Variants in MYO1E observed in about 807,000 individuals in gnomAD.
The protein encoded by MYO1E is unconventional myosin-Ie.
A neutral mutation model predicts 151.1 loss-of-function variants in MYO1E; 68 were observed. The ratio of observed to expected loss-of-function variants is 0.45; its 90% CI spans 0.37 to 0.55. The LOEUF (loss-of-function observed/expected upper bound fraction) is 0.55, where lower values mean the gene tolerates loss of function less well. Among genes scored for constraint, MYO1E ranks in the 20% least tolerant of loss-of-function variants. The pLI, the probability that MYO1E is intolerant of heterozygous loss-of-function variation, is 0.00. For synonymous variants in MYO1E, 601 were observed against 501.7 expected, an observed-to-expected ratio of 1.20 and a Z score of -2.64; for missense variants, 1,363 against 1,389.3, an observed-to-expected ratio of 0.98 and a Z score of 0.30.
intron 14 of MYO1E, 41 bp from the exon 15 acceptor site, chr15:59,205,526 A>T (rs1213969997): frequency 2.6e-6 from 4 of 1,541,874 alleles, no homozygotes; most frequent in African/African-American, 2.7e-5. Context: ...ATTGAACAAA[A>T]TGTAATTAAT....
At chr15:59,143,840 G>A (rs1235571953) in intron 26 of MYO1E, among the ~76,000 whole-genome samples, 1 of 152,188 alleles carries the variant, frequency 6.6e-6, no homozygotes, top group East Asian at 1.9e-4. Context: ...CACTTCCCAG[G>A]CAGCACTGCT....
chr15:59,366,721 A>G (rs1021685009), intron 1 of MYO1E, among the ~76,000 whole-genome samples: 1 of 152,132 alleles, frequency 6.6e-6, no homozygotes, highest in Non-Finnish European at 1.5e-5. Context: ...GATATATGAA[A>G]AAAATACTTT....
rs12595245 is a variant in MYO1E at position 59,351,495 on chromosome 15, A to G, written c.3+21003T>C. ...CAGTAATTGGTTTAATTTAGACCGT[A>G]ATGCATTTTGGTCTTTAGACTGTTC... On this transcript the variant is annotated intron_variant, in intron 1 of 27. Coordinates refer to ENST00000288235, the MANE Select transcript of MYO1E (RefSeq NM_004998.4). Among the ~76,000 whole-genome samples, 6 of 152,220 alleles carry G rather than the reference A, an allele frequency of 3.9e-5. No homozygotes were observed. The East Asian group carries it at 9.6e-4, about 24-fold the overall frequency.
At chr15:59,264,139 CA>C (rs1371787294) in intron 2 of MYO1E, among the ~76,000 whole-genome samples, 26 of 152,084 alleles carry the variant, frequency 1.7e-4, no homozygotes, top group African/African-American at 6.3e-4. Context: ...ATCCCTAACC[CA>C]AAAATCCAAA....
At chr15:59,232,863 G>A (rs200905993) in intron 5 of MYO1E, among the ~76,000 whole-genome samples, 2 of 152,096 alleles carry the variant, frequency 1.3e-5, no homozygotes, top group African/African-American at 4.8e-5. Flanking sequence ...GGTGTAACAG[G>A]CACCCTCCTG....
At chr15:59,225,785 T>C (rs955377591) in intron 7 of MYO1E, among the ~76,000 whole-genome samples, 2 of 152,056 alleles carry the variant, frequency 1.3e-5, no homozygotes, top group African/African-American at 2.4e-5. Flanking sequence ...TAGCTGGGAC[T>C]ACAGGCGCCC....
At chr15:59,286,036 T>C (rs1267382447) in intron 1 of MYO1E, among the ~76,000 whole-genome samples, 2 of 152,126 alleles carry the variant, frequency 1.3e-5, no homozygotes, top group Non-Finnish European at 1.5e-5. Context: ...GCTGTGCATA[T>C]AAATAAAGAC....
chr15:59,188,160 G>A lies in MYO1E; in HGVS notation c.1862C>T (p.Ala621Val). 6.2e-7 allele frequency: 1 copy of A among 1,614,158 alleles called. No homozygotes were observed. Among genetic ancestry groups the A allele is most frequent in the Non-Finnish European group, 8.5e-7 (1 of 1,180,036 alleles). The part of the protein sequence containing the change: ...GLKENIRVRR[A>V]GYAYRRIFQK... ...GAAGATGCGCCGATAGGCATAGCCA[G>A]CTCTTCTCACTCGAATGTTCTCTTT... The change falls in exon 18 of 28, where the codon GCT (alanine) becomes GTT (valine). Residue 621 changes from alanine (A) to valine (V), a missense_variant. Coordinates refer to ENST00000288235, the MANE Select transcript of MYO1E (RefSeq NM_004998.4).
At chr15:59,328,776 G>A (rs1411802138) in intron 1 of MYO1E, among the ~76,000 whole-genome samples, 1 of 151,978 alleles carries the variant, frequency 6.6e-6, no homozygotes, top group African/African-American at 2.4e-5. Flanking sequence ...AAGCATTTAG[G>A]GCATGTGAAA....
chr15:59,236,261 T>C (rs57487429), intron 5 of MYO1E, among the ~76,000 whole-genome samples: 45,258 of 150,452 alleles, frequency 0.3, 8,242 homozygotes, highest in African/African-American at 0.52. Flanking sequence ...GAGAATCTCT[T>C]GAACCCGGGA....
intron 21 of MYO1E, among the ~76,000 whole-genome samples, chr15:59,172,783 C>G (rs147560694): frequency 6.6e-6 from 1 of 152,322 alleles, no homozygotes; most frequent in Non-Finnish European, 1.5e-5. Flanking sequence ...TGATAATTCT[C>G]AATAATCTAA....
chr15:59,195,357 CAT>C, intron 17 of MYO1E, 102 bp downstream of exon 17: 2 of 994,510 alleles, frequency 2.0e-6, no homozygotes, highest in Non-Finnish European at 3.2e-6. Flanking sequence ...ATGACAAAGA[CAT>C]GTGCGGACAA....
In MYO1E at chr15:59,136,896, C is replaced by A. The variant is rs1475390390; in HGVS notation, c.*484G>T. ...TGGGAAGTGCCTGCTCACGCTAAGC[C>A]CAGTCTGCAGAGGGCGGGTCCTCCC... On this transcript the variant is annotated 3_prime_UTR_variant, in exon 28 of 28. Transcript: ENST00000288235. The A allele has an allele frequency of 1.0e-5, 4 of 396,766 alleles. No homozygotes were observed. Among genetic ancestry groups the A allele is most frequent in the African/African-American group, 8.3e-5 (4 of 48,152 alleles). The allele number at this position is 396,766 out of a possible 1,614,324, so 24.6% of individuals were successfully genotyped here.
rs2080293798 is a variant in MYO1E at position 59,272,404 on chromosome 15, T to C, written c.49A>G (p.Lys17Glu). Reference sequence around the variant, plus strand: ...ACCATGTCGTCCACACCACTGTGCTTGACATTGTGGCTTTGCCAGTGGTAC... The same window carrying C: ...ACCATGTCGTCCACACCACTGTGCTCGACATTGTGGCTTTGCCAGTGGTAC... The part of the protein sequence containing the change: ...YQYHWQSHNV[K>E]HSGVDDMVLL... Residue 17 changes from lysine to glutamate, a missense_variant, in exon 2 of 28, where the codon AAG (lysine) becomes GAG (glutamate). Physicochemically the swap from Lys to Glu is moderately conservative, Grantham distance 56. Transcript: ENST00000288235. 1 of 1,614,048 alleles carries C rather than the reference T, an allele frequency of 6.2e-7. No homozygotes were observed.
chr15:59,371,470 A>C (rs1415659378), intron 1 of MYO1E, among the ~76,000 whole-genome samples: 1 of 151,136 alleles, frequency 6.6e-6, no homozygotes, highest in Non-Finnish European at 1.5e-5. Flanking sequence ...GATCTCTTCA[A>C]AATAGAGTCC....
At chr15:59,300,556 C>A (rs527292043) in intron 1 of MYO1E, among the ~76,000 whole-genome samples, 2 of 152,272 alleles carry the variant, frequency 1.3e-5, no homozygotes, top group African/African-American at 2.4e-5. Flanking sequence ...GTGAGTCTAC[C>A]CATGATGCGG....
chr15:59,145,357 A>G (rs1178667168), intron 26 of MYO1E, among the ~76,000 whole-genome samples: 1 of 152,236 alleles, frequency 6.6e-6, no homozygotes, highest in Non-Finnish European at 1.5e-5. Flanking sequence ...TTTGTGAGCC[A>G]GTTGTCAAAC....
intron 1 of MYO1E, among the ~76,000 whole-genome samples, chr15:59,304,323 G>A (rs142617090): frequency 0.01 from 1,529 of 152,258 alleles, 18 homozygotes; most frequent in Admixed American, 0.019. Flanking sequence ...GGTCAGGTAC[G>A]TGGCCAAGGT....
intron 4 of MYO1E, among the ~76,000 whole-genome samples, chr15:59,244,371 T>C (rs1223599346): frequency 2.0e-5 from 3 of 152,254 alleles, no homozygotes; most frequent in Non-Finnish European, 2.9e-5. Flanking sequence ...CTAGCAGATC[T>C]TTTACATTAC....
Sources: allele counts gnomAD v4.1 joint callset (sites outside exome capture counted in the v4.1 genomes callset), GRCh38; gene constraint gnomAD v4.1.1; transcripts MANE v1.5; gene names NCBI Gene and HGNC (gene_info 2026-07-23, HGNC 2026-07-21).